The following DPP6 variants were observed in gnomAD, a reference collection of about 807,000 sequenced individuals.
The protein encoded by DPP6 is A-type potassium channel modulatory protein DPP6.
A neutral mutation model predicts 122.6 loss-of-function variants in DPP6; 69 were observed. The ratio of observed to expected loss-of-function variants is 0.56; its 90% CI spans 0.46 to 0.69. The LOEUF is 0.69. DPP6 is among the 30% of genes least tolerant of loss of function. The pLI is 0.00. For synonymous variants in DPP6, 418 were observed against 433.1 expected (o/e 0.97, Z 0.43); for missense variants, 928 against 1,116.9 (o/e 0.83, Z 2.41).
At chr7:153,879,816 GTTAA>G in the DPP6 span, among the ~76,000 whole-genome samples, 10 of 152,002 alleles carry the variant, frequency 6.6e-5, no homozygotes, top group African/African-American at 1.9e-4. Flanking sequence ...TATTTCATGG[GTTAA>G]TTGTTTTAAT....
upstream of DPP6, among the ~76,000 whole-genome samples, chr7:154,050,570 A>G (rs1399599940): frequency 6.6e-6 from 1 of 151,404 alleles, no homozygotes; most frequent in Non-Finnish European, 1.5e-5. Context: ...CCTCCCATCA[A>G]AAGCACAGCT....
At chr7:153,821,077 A>T in the DPP6 span, among the ~76,000 whole-genome samples, 4 of 152,164 alleles carry the variant, frequency 2.6e-5, no homozygotes, top group African/African-American at 9.7e-5. Context: ...TTATATTTTT[A>T]TTGTAAATTT....
chr7:154,732,473 A>T (rs982592783), intron 8 of DPP6, among the ~76,000 whole-genome samples: 1 of 152,194 alleles, frequency 6.6e-6, no homozygotes, highest in East Asian at 1.9e-4. Flanking sequence ...TCATGGAATG[A>T]CTCACAGCCC....
intron 5 of DPP6, among the ~76,000 whole-genome samples, chr7:154,584,874 GATTTCA>G (rs1346667472): frequency 1.3e-5 from 2 of 152,154 alleles, no homozygotes; most frequent in Non-Finnish European, 2.9e-5. Flanking sequence ...ATGTCTTCCT[GATTTCA>G]ATTTAAAAGC....
chr7:154,197,123 G>T (rs1018823201), intron 1 of DPP6, among the ~76,000 whole-genome samples: 1 of 151,818 alleles, frequency 6.6e-6, no homozygotes, highest in African/African-American at 2.4e-5. Context: ...ATAATTAGAT[G>T]GTGTATATTT....
chr7:154,062,062 T>C (rs1802046898), intron 1 of DPP6, among the ~76,000 whole-genome samples: 1 of 87,484 alleles, frequency 1.1e-5, no homozygotes, highest in African/African-American at 4.5e-5. Context: ...AGCCAGCCCC[T>C]GGTTCCCCCA....
At chr7:154,221,130 A>G (rs1032602165) in intron 1 of DPP6, among the ~76,000 whole-genome samples, 1 of 152,168 alleles carries the variant, frequency 6.6e-6, no homozygotes, top group East Asian at 1.9e-4. Flanking sequence ...CACTCTGGCC[A>G]TTAGGTTTCC....
chr7:153,899,488 A>C (rs1014224402), intron 1 of DPP6, among the ~76,000 whole-genome samples: 2 of 152,146 alleles, frequency 1.3e-5, no homozygotes, highest in Non-Finnish European at 2.9e-5. Context: ...TTTTTCCTGC[A>C]ATGTGTTTTC....
chr7:153,951,850 C>T (rs2129021840), intron 1 of DPP6, among the ~76,000 whole-genome samples: 1 of 152,202 alleles, frequency 6.6e-6, no homozygotes, highest in Middle Eastern at 3.4e-3. Context: ...CAATACCAGC[C>T]TGGTCAACAT....
chr7:154,131,988 TAAAAC>T (rs1795305714), intron 1 of DPP6, among the ~76,000 whole-genome samples: 1 of 152,238 alleles, frequency 6.6e-6, no homozygotes, highest in Non-Finnish European at 1.5e-5. Flanking sequence ...TCCCAATAAA[TAAAAC>T]GATATTTTTG....
chr7:154,291,698 T>A (rs1424516326), intron 1 of DPP6, among the ~76,000 whole-genome samples: 40 of 152,208 alleles, frequency 2.6e-4, no homozygotes, highest in Admixed American at 2.6e-3. Context: ...TCATGTGGAA[T>A]TTTTGGCTAC....
chr7:153,806,548 A>G, the DPP6 span, among the ~76,000 whole-genome samples: 1 of 151,622 alleles, frequency 6.6e-6, no homozygotes, highest in Non-Finnish European at 1.5e-5. Context: ...TTTCATATAT[A>G]CATTTTTCAA....
chr7:154,613,978 G>A (rs912589859), intron 5 of DPP6, among the ~76,000 whole-genome samples: 15 of 152,140 alleles, frequency 9.9e-5, no homozygotes, highest in African/African-American at 3.4e-4. Flanking sequence ...GCTGCTTTCC[G>A]CATTCCGCAT....
chr7:154,065,143 A>G (rs899106176), intron 1 of DPP6, among the ~76,000 whole-genome samples: 2 of 152,178 alleles, frequency 1.3e-5, no homozygotes, highest in South Asian at 2.1e-4. Context: ...CATTGTCACT[A>G]TCTTACCTGT....
the DPP6 span, among the ~76,000 whole-genome samples, chr7:153,805,597 C>T: frequency 6.6e-6 from 1 of 152,162 alleles, no homozygotes; most frequent in Non-Finnish European, 1.5e-5. Context: ...AATGGTATTT[C>T]TAGCCCAAAT....
In DPP6 at chr7:153,925,275, G is replaced by T. The variant is rs966597976; in HGVS notation, c.51+37541G>T. ...ATCTGCATGGTGGAAGGTCCCCAAGGTTCTGATGAAGGGAGATCATCCCGC... is the reference window on the plus strand; with the variant it reads ...ATCTGCATGGTGGAAGGTCCCCAAGTTTCTGATGAAGGGAGATCATCCCGC... On this transcript the variant is annotated intron_variant, in intron 1 of 25. Coordinates refer to the DPP6 transcript ENST00000404039. Among the ~76,000 whole-genome samples, 5 of 152,232 alleles carry T rather than the reference G, an allele frequency of 3.3e-5. No individual in the cohort carries two copies. The South Asian group carries it at 8.3e-4, about 25-fold the overall frequency.
intron 1 of DPP6, among the ~76,000 whole-genome samples, chr7:153,925,778 C>A (rs555597193): frequency 2.6e-5 from 4 of 152,158 alleles, no homozygotes; most frequent in Non-Finnish European, 5.9e-5. Context: ...GCAGTGTGAC[C>A]CAAAGTGGCT....
chr7:153,897,579 A>T (rs561361582), intron 1 of DPP6, among the ~76,000 whole-genome samples: 1 of 152,352 alleles, frequency 6.6e-6, no homozygotes, highest in Admixed American at 6.5e-5. Context: ...ACAACCTTTC[A>T]AGTAAGTTCC....
At chr7:154,884,357 T>C (rs895234863) in intron 21 of DPP6, 6 of 132,104 alleles carry the variant, frequency 4.5e-5, no homozygotes, top group Non-Finnish European at 6.5e-5. Context: ...CACACACACA[T>C]GCTCACACAA....
Sources: gnomAD v4.1 joint callset for allele counts (sites outside exome capture counted in the v4.1 genomes callset) on GRCh38, gnomAD v4.1.1 for gene constraint, MANE v1.5 for transcripts, NCBI Gene and HGNC (gene_info 2026-07-23, HGNC 2026-07-21) for gene names.